CD109: variants seen among roughly 807,000 people sequenced by gnomAD.
The protein encoded by CD109 is CD109 molecule, also known as CD109 antigen.
In CD109, 149 loss-of-function variants were observed where a neutral mutation model predicts 165.8. The ratio of observed to expected loss-of-function variants is 0.90; its 90% confidence interval spans 0.79 to 1.03. The LOEUF (loss-of-function observed/expected upper bound fraction) is 1.03, where lower values mean the gene tolerates loss of function less well. Among genes scored for constraint, CD109 ranks in the 50% least tolerant of loss-of-function variants. CD109 has a pLI of 0.00. For missense variants in CD109, 1,712 were observed against 1,677.8 expected (o/e 1.02, Z -0.36); for synonymous variants, 585 against 592.1 (o/e 0.99, Z 0.18).
At chr6:73,695,709 C>CGT (rs141348716), upstream of CD109, 55 of 161,914 alleles carry the variant, frequency 3.4e-4, no homozygotes, top group Admixed American at 6.3e-4. Flanking sequence ...TGTGTGTGTG[C>CGT]GTGTGTGTGT....
At chr6:73,707,380 G>A (rs889960397) in intron 2 of CD109, among the ~76,000 whole-genome samples, 1 of 152,162 alleles carries the variant, frequency 6.6e-6, no homozygotes, top group African/African-American at 2.4e-5. Context: ...AAGAGTGGGT[G>A]TATCCAAATA....
chr6:73,709,527 G>A (rs535839669), intron 2 of CD109, among the ~76,000 whole-genome samples: 12 of 152,186 alleles, frequency 7.9e-5, no homozygotes, highest in Middle Eastern at 3.4e-3. Flanking sequence ...GTTTTTTCCA[G>A]TTCTGTGAAG....
chr6:73,691,795 C>T (rs1369959409), upstream of CD109, among the ~76,000 whole-genome samples: 1 of 152,154 alleles, frequency 6.6e-6, no homozygotes, highest in East Asian at 1.9e-4. Context: ...TTCTGCCTTT[C>T]TCATTGAATT....
chr6:73,716,592 G>C (rs957559413), intron 2 of CD109, among the ~76,000 whole-genome samples: 2 of 152,156 alleles, frequency 1.3e-5, no homozygotes, highest in Non-Finnish European at 2.9e-5. Context: ...TTCGAGAAAT[G>C]TCTATTCAGA....
At chr6:73,729,253 T>C (rs150269673) in intron 3 of CD109, among the ~76,000 whole-genome samples, 11 of 152,284 alleles carry the variant, frequency 7.2e-5, no homozygotes, top group African/African-American at 1.9e-4. Context: ...AGGAAATCAC[T>C]AAGTCTGGGG....
intron 23 of CD109, among the ~76,000 whole-genome samples, chr6:73,794,223 T>C (rs1775074478): frequency 6.6e-6 from 1 of 152,200 alleles, no homozygotes; most frequent in Admixed American, 6.5e-5. Context: ...GATGAGGAAA[T>C]TGAGGCACAG....
chr6:73,708,691 C>T (rs1279787925), intron 2 of CD109, among the ~76,000 whole-genome samples: 1 of 152,218 alleles, frequency 6.6e-6, no homozygotes, highest in Non-Finnish European at 1.5e-5. Context: ...GATCGCCATT[C>T]TAACTGGTGT....
At position 73,811,130 on chromosome 6, in the gene CD109, C is replaced by T. The variant is rs768810914; in HGVS notation, c.3685C>T (p.Leu1229Phe). Reference protein sequence around the residue: ...KFLIDTHNRLLLQTAELAVVQ... With the variant: ...KFLIDTHNRLFLQTAELAVVQ... ...TCTGATTGACACACACAACCGCTTA[C>T]TCCTTCAGACAGCAGAGGTGTGGGC... Residue 1229 changes from leucine (L) to phenylalanine (F), a missense_variant, in exon 28 of 33, where the codon CTC becomes TTC. Transcript: ENST00000287097. 2 of 1,612,892 alleles carry T rather than the reference C, an allele frequency of 1.2e-6. No homozygotes were observed. Among genetic ancestry groups the T allele is most frequent in the Non-Finnish European group, 1.7e-6 (2 of 1,179,434 alleles).
chr6:73,756,795 A>T (rs978558068), intron 6 of CD109, 113 bp downstream of exon 6: 2 of 692,674 alleles, frequency 2.9e-6, no homozygotes, highest in African/African-American at 3.8e-5. Flanking sequence ...ATGGAGTTAA[A>T]ATTCTGGTGT....
At chr6:73,708,376 A>G (rs1487263235) in intron 2 of CD109, among the ~76,000 whole-genome samples, 1 of 152,162 alleles carries the variant, frequency 6.6e-6, no homozygotes, top group African/African-American at 2.4e-5. Flanking sequence ...TATGTGCCAC[A>G]ATTTCTTAAT....
At chr6:73,763,420 T>C (rs1475007889) in intron 9 of CD109, among the ~76,000 whole-genome samples, 156 bp from the exon 10 acceptor site, 1 of 152,206 alleles carries the variant, frequency 6.6e-6, no homozygotes, top group African/African-American at 2.4e-5. Flanking sequence ...TAGAACTGTG[T>C]GGTGCTTGTA....
chr6:73,736,269 G>A, intron 4 of CD109, 114 bp from the exon 5 acceptor site: 1 of 1,064,934 alleles, frequency 9.4e-7, no homozygotes. Context: ...GCCGTATTTT[G>A]GAGTAAAGTT....
the CD109 span, among the ~76,000 whole-genome samples, chr6:73,688,314 T>C: frequency 6.6e-6 from 1 of 152,214 alleles, no homozygotes; most frequent in African/African-American, 2.4e-5. Flanking sequence ...TGTAGTTTCC[T>C]GAGCAATAGG....
Position 73,820,468 on chromosome 6 carries a change from A to G in CD109, c.4067A>G (p.Glu1356Gly), listed in dbSNP as rs749324430. The G allele has an allele frequency of 6.2e-7, 1 of 1,601,732 alleles. No individual in the cohort carries two copies. The highest frequency in any genetic ancestry group is 2.2e-5 in the East Asian group (1 of 44,744). ...TCTTTTGTATTTCTCAAGGTAAATGAAACCCAGTTTTGTGTTAATATTCCT... is the reference window on the plus strand; with the variant it reads ...TCTTTTGTATTTCTCAAGGTAAATGGAACCCAGTTTTGTGTTAATATTCCT... Reference protein sequence around the residue: ...KLNLYLDSVNETQFCVNIPAV... With the variant: ...KLNLYLDSVNGTQFCVNIPAV... The change falls in exon 32 of 33, where the codon GAA becomes GGA. Residue 1356 changes from glutamate to glycine, a missense_variant. By Grantham distance (98) the Glu-to-Gly change is moderately conservative. Transcript: ENST00000287097.
At chr6:73,728,142 A>T (rs1200191112) in intron 3 of CD109, among the ~76,000 whole-genome samples, 1 of 152,108 alleles carries the variant, frequency 6.6e-6, no homozygotes, top group African/African-American at 2.4e-5. Flanking sequence ...CCAACATGGT[A>T]AAACCTTTTC....
intron 13 of CD109, 83 bp downstream of exon 13, chr6:73,767,093 G>T: frequency 8.4e-7 from 1 of 1,184,544 alleles, no homozygotes; most frequent in Non-Finnish European, 1.2e-6. Context: ...TACATGTGCA[G>T]GTTTGTTATA....
chr6:73,751,251 A>G (rs1435288600), intron 5 of CD109, among the ~76,000 whole-genome samples: 1 of 152,218 alleles, frequency 6.6e-6, no homozygotes, highest in East Asian at 1.9e-4. Flanking sequence ...CTAAGACGGC[A>G]TTTAAAACTA....
Position 73,826,718 on chromosome 6 carries a change from T to G in CD109, c.*3085T>G, listed in dbSNP as rs1776287600. 1 of 152,188 alleles carries G rather than the reference T, an allele frequency of 6.6e-6. No homozygotes were observed. The highest frequency in any genetic ancestry group is 2.4e-5 in the African/African-American group (1 of 41,462). The allele number at this position is 152,188 out of a possible 1,614,324, so 9.4% of individuals were successfully genotyped here. A position where few individuals can be genotyped will look rare whatever the true frequency, so the allele number is the denominator to read the frequency against. ...TATAATCTGAGGAGTGTTTTGCTTATGTAGAATCCAGATATATTTCTGTTA... is the reference window on the plus strand; with the variant it reads ...TATAATCTGAGGAGTGTTTTGCTTAGGTAGAATCCAGATATATTTCTGTTA... On this transcript the variant is annotated 3_prime_UTR_variant, in exon 33 of 33. Transcript: ENST00000287097.
chr6:73,755,473 C>G (rs749699918), intron 5 of CD109, among the ~76,000 whole-genome samples: 1 of 152,092 alleles, frequency 6.6e-6, no homozygotes, highest in Non-Finnish European at 1.5e-5. Flanking sequence ...AAAATAACTT[C>G]GTGGTGTACA....
Sources: gnomAD v4.1 joint callset for allele counts (sites outside exome capture counted in the v4.1 genomes callset) on GRCh38, gnomAD v4.1.1 for gene constraint, MANE v1.5 for transcripts, NCBI Gene and HGNC (gene_info 2026-07-23, HGNC 2026-07-21) for gene names.